CFAP70: variants seen among roughly 807,000 people sequenced by gnomAD.
CFAP70 encodes cilia- and flagella-associated protein 70.
CFAP70 carries 81 observed loss-of-function variants against 137.6 expected under a neutral mutation model. That is an observed-to-expected ratio of 0.59 (90% CI 0.49 to 0.71). The LOEUF is 0.71. CFAP70 is among the 30% of genes least tolerant of loss of function. The probability of loss-of-function intolerance (pLI) is 0.00; values close to 1 mark genes in which losing one functional copy is unlikely to be tolerated. For missense variants in CFAP70, 976 were observed against 1,226.7 expected (o/e 0.80, Z 3.05); for synonymous variants, 382 against 423.6 (o/e 0.90, Z 1.20).
intron 6 of CFAP70, among the ~76,000 whole-genome samples, chr10:73,340,671 C>T (rs1489807604): frequency 1.3e-5 from 2 of 152,180 alleles, no homozygotes; most frequent in Admixed American, 6.5e-5. Context: ...TCGTGGGTGC[C>T]CAAAGTCTGG....
chr10:73,255,667 C>T (rs887417469), intron 26 of CFAP70, among the ~76,000 whole-genome samples: 3 of 152,092 alleles, frequency 2.0e-5, no homozygotes, highest in African/African-American at 7.2e-5. Context: ...GCCTCAGCCT[C>T]CAGAGTAGCT....
chr10:73,338,385 C>G (rs1171901137), intron 6 of CFAP70, among the ~76,000 whole-genome samples: 1 of 151,422 alleles, frequency 6.6e-6, no homozygotes, highest in African/African-American at 2.4e-5. Flanking sequence ...CTTGGCCTCC[C>G]AAAGTGCTGG....
At chr10:73,286,443 CA>C (rs1331190833) in intron 19 of CFAP70, among the ~76,000 whole-genome samples, 1 of 152,028 alleles carries the variant, frequency 6.6e-6, no homozygotes, top group Non-Finnish European at 1.5e-5. Flanking sequence ...GACACCGTCT[CA>C]AAAACAAACA....
chr10:73,312,419 A>C (rs2049993519), intron 10 of CFAP70, 54 bp downstream of exon 11: 1 of 1,303,468 alleles, frequency 7.7e-7, no homozygotes, highest in Non-Finnish European at 1.1e-6. Flanking sequence ...GAAATCAGTG[A>C]AGCCTCTGGA....
chr10:73,286,711 T>C (rs1026213255), intron 19 of CFAP70, among the ~76,000 whole-genome samples: 10 of 151,978 alleles, frequency 6.6e-5, no homozygotes, highest in Non-Finnish European at 1.5e-4. Context: ...CACAGAAATA[T>C]AGAGTGTGGA....
intron 4 of CFAP70, 41 bp from the exon 5 acceptor site, chr10:73,348,276 T>G: frequency 6.2e-7 from 1 of 1,601,406 alleles, no homozygotes. Flanking sequence ...AAGAAAGGGT[T>G]AAGTTGGGAT....
intron 6 of CFAP70, among the ~76,000 whole-genome samples, chr10:73,337,167 C>A (rs545233669): frequency 6.6e-6 from 1 of 152,054 alleles, no homozygotes; most frequent in South Asian, 2.1e-4. Flanking sequence ...GATTAAACAC[C>A]TTATACACTC....
intron 8 of CFAP70, among the ~76,000 whole-genome samples, chr10:73,323,924 G>GA (rs1383039070): frequency 6.6e-6 from 1 of 152,272 alleles, no homozygotes; most frequent in Non-Finnish European, 1.5e-5. Context: ...CAAACAAAAA[G>GA]ACAGCAGTAA....
chr10:73,347,315 T>A (rs1157019233), intron 4 of CFAP70, among the ~76,000 whole-genome samples: 1 of 152,050 alleles, frequency 6.6e-6, no homozygotes, highest in East Asian at 1.9e-4. Context: ...CACTTTTAAA[T>A]CACTGTGCAA....
intron 19 of CFAP70, among the ~76,000 whole-genome samples, chr10:73,290,044 CAAA>C (rs397847750): frequency 1.2e-4 from 9 of 72,214 alleles, no homozygotes; most frequent in Admixed American, 3.4e-4. Context: ...GACTCCATCT[CAAA>C]AAAAAAAAAA....
intron 25 of CFAP70, among the ~76,000 whole-genome samples, chr10:73,266,664 G>A (rs974740675): frequency 6.6e-6 from 1 of 152,114 alleles, no homozygotes; most frequent in Non-Finnish European, 1.5e-5. Flanking sequence ...ATGAATGGGT[G>A]TTAATTTTAG....
chr10:73,316,384 T>G (rs2050334357), intron 9 of CFAP70, among the ~76,000 whole-genome samples: 1 of 148,860 alleles, frequency 6.7e-6, no homozygotes, highest in Non-Finnish European at 1.5e-5. Flanking sequence ...ATATCATCTG[T>G]TTTTTGTTGT....
intron 21 of CFAP70, 42 bp downstream of exon 22, chr10:73,277,198 T>C: frequency 6.3e-7 from 1 of 1,584,944 alleles, no homozygotes; most frequent in Non-Finnish European, 8.6e-7. Flanking sequence ...AAGAGTTTGC[T>C]AAAATCTTTC....
intron 8 of CFAP70, among the ~76,000 whole-genome samples, chr10:73,326,708 C>G (rs1190761969): frequency 6.6e-6 from 1 of 152,072 alleles, no homozygotes; most frequent in Non-Finnish European, 1.5e-5. Flanking sequence ...AGGATGAACA[C>G]CTCTACACAA....
At chr10:73,269,220 A>G (rs1033085271) in intron 25 of CFAP70, among the ~76,000 whole-genome samples, 3 of 152,180 alleles carry the variant, frequency 2.0e-5, no homozygotes, top group African/African-American at 7.2e-5. Flanking sequence ...TAAAGCACCT[A>G]TCATGAACTC....
chr10:73,275,429 T>A lies in CFAP70; in HGVS notation c.2673+17A>T. On this transcript the variant is annotated intron_variant, in intron 22 of 26. Coordinates refer to ENST00000310715, the Ensembl canonical transcript of CFAP70. This position sits in a 1 kb window ranked among gnomAD's most constrained non-coding sequence, Gnocchi z 4.0. Reference sequence around the variant, plus strand: ...GCCCCTTCTCCAGACTCAAGAGGCTTTAGCAAAAGTCATTACCAGGTAGTC... The same window carrying A: ...GCCCCTTCTCCAGACTCAAGAGGCTATAGCAAAAGTCATTACCAGGTAGTC... 1.9e-6 allele frequency: 3 copies of A among 1,577,662 alleles called. No individual in the cohort carries two copies. Among genetic ancestry groups the A allele is most frequent in the Non-Finnish European group, 2.6e-6 (3 of 1,165,010 alleles).
chr10:73,296,837 A>G (rs1208428293), intron 15 of CFAP70: 1 of 376,580 alleles, frequency 2.7e-6, no homozygotes, highest in Non-Finnish European at 4.6e-6. Flanking sequence ...GGAAATTGAA[A>G]GAGCATATCT....
intron 25 of CFAP70, among the ~76,000 whole-genome samples, chr10:73,258,122 T>C (rs1321573816): frequency 1.3e-5 from 2 of 152,218 alleles, no homozygotes; most frequent in Non-Finnish European, 2.9e-5. Context: ...AACTAAATAA[T>C]GCCACATTGT....
At position 73,315,583 on chromosome 10, in the gene CFAP70, A is replaced by C. The variant is rs544962399; in HGVS notation, c.913-2940T>G. ...TTTTTTGTTGTTGTTGTTTTGAGACAGGGTCTCACTCTTGTCACCCAAGCT... is the reference window on the plus strand; with the variant it reads ...TTTTTTGTTGTTGTTGTTTTGAGACCGGGTCTCACTCTTGTCACCCAAGCT... On this transcript the variant is annotated intron_variant, in intron 9 of 26. Coordinates refer to ENST00000310715, the Ensembl canonical transcript of CFAP70. Among the ~76,000 whole-genome samples the C allele has an allele frequency of 1.4e-4, 21 of 152,194 alleles. No individual in the cohort carries two copies. In the South Asian group the frequency reaches 3.3e-3, roughly 24 times the overall value.
Sources: allele counts gnomAD v4.1 joint callset (sites outside exome capture counted in the v4.1 genomes callset), GRCh38; gene constraint gnomAD v4.1.1; non-coding constraint Gnocchi (gnomAD v3.1); transcripts MANE v1.5; gene names NCBI Gene and HGNC (gene_info 2026-07-23, HGNC 2026-07-21).